DYRK1A: variants seen among roughly 807,000 people sequenced by gnomAD.
The protein encoded by DYRK1A is dual specificity tyrosine-phosphorylation-regulated kinase 1A.
DYRK1A carries 9 observed loss-of-function variants against 79.7 expected under a neutral mutation model. The observed-to-expected ratio is 0.11, with a 90% CI of 0.07 to 0.20. DYRK1A has a LOEUF of 0.20. Ranked by LOEUF, DYRK1A falls within the 10% of genes least tolerant of loss-of-function variation. The probability of loss-of-function intolerance (pLI) is 1.00; values close to 1 mark genes in which losing one functional copy is unlikely to be tolerated. For synonymous variants in DYRK1A, 349 were observed against 329.7 expected, an observed-to-expected ratio of 1.06 and a Z score of -0.63; for missense variants, 622 against 956.0, an observed-to-expected ratio of 0.65 and a Z score of 4.61.
intron 1 of DYRK1A, among the ~76,000 whole-genome samples, chr21:37,401,053 A>G (rs2050043340): frequency 6.6e-6 from 1 of 152,100 alleles, no homozygotes; most frequent in East Asian, 1.9e-4. Flanking sequence ...CTGAGGCGGG[A>G]GAATTGCTTG....
At chr21:37,405,748 G>A (rs752141698) in intron 1 of DYRK1A, among the ~76,000 whole-genome samples, 1 of 152,108 alleles carries the variant, frequency 6.6e-6, no homozygotes, top group Non-Finnish European at 1.5e-5. Context: ...GGTGTATGGT[G>A]TGTGCGTAGT....
At chr21:37,403,460 C>T (rs1337295098) in intron 1 of DYRK1A, among the ~76,000 whole-genome samples, 1 of 151,704 alleles carries the variant, frequency 6.6e-6, no homozygotes, top group East Asian at 1.9e-4. Flanking sequence ...TATTAAAAAA[C>T]AACAACAGAG....
intron 2 of DYRK1A, among the ~76,000 whole-genome samples, chr21:37,429,879 G>A (rs901554957): frequency 5.0e-4 from 76 of 152,172 alleles, no homozygotes; most frequent in African/African-American, 1.7e-3. Context: ...ACTATTTTCC[G>A]TTTTAAAATT....
At chr21:37,366,561 C>G (rs1475845643), upstream of DYRK1A, among the ~76,000 whole-genome samples, 2 of 151,356 alleles carry the variant, frequency 1.3e-5, no homozygotes, top group African/African-American at 2.4e-5. Context: ...TCCTCTGACA[C>G]TCGTAGCGGA....
At chr21:37,400,777 A>C (rs938823838) in intron 1 of DYRK1A, among the ~76,000 whole-genome samples, 1 of 152,184 alleles carries the variant, frequency 6.6e-6, no homozygotes, top group African/African-American at 2.4e-5. Context: ...TGACTGAGAA[A>C]GTGCAGATTG....
intron 2 of DYRK1A, chr21:37,430,432 TATG>T: frequency 1.0e-6 from 1 of 983,648 alleles, no homozygotes; most frequent in Non-Finnish European, 1.2e-6. Context: ...GATTTAATTC[TATG>T]ATATGTGTTC....
chr21:37,526,134 T>C lies in DYRK1A; in HGVS notation c.*13603T>C, dbSNP rs2053966339. Reference sequence around the variant, plus strand: ...AGAAGAGCTCCATTCCCACACACATTTGCCACAGATACATTATCTGAGCCC... The same window carrying C: ...AGAAGAGCTCCATTCCCACACACATCTGCCACAGATACATTATCTGAGCCC... On this transcript the variant is annotated 3_prime_UTR_variant, in exon 12 of 12. Transcript: ENST00000647188. 6.6e-6 allele frequency: 1 copy of C among 152,196 alleles called. No individual in the cohort carries two copies. Among genetic ancestry groups the C allele is most frequent in the Non-Finnish European group, 1.5e-5 (1 of 68,042 alleles). The allele number at this position is 152,196 out of a possible 1,614,324, so 9.4% of individuals were successfully genotyped here.
At chr21:37,448,879 G>T (rs1478006493) in intron 2 of DYRK1A, among the ~76,000 whole-genome samples, 4 of 152,066 alleles carry the variant, frequency 2.6e-5, no homozygotes, top group Non-Finnish European at 4.4e-5. Flanking sequence ...AAATTTTTTT[G>T]TGGAGATGAG....
intron 2 of DYRK1A, among the ~76,000 whole-genome samples, chr21:37,439,379 TTC>T (rs1343257242): frequency 6.6e-6 from 1 of 152,246 alleles, no homozygotes; most frequent in Non-Finnish European, 1.5e-5. Flanking sequence ...AAAGAGGACA[TTC>T]TGTTTTGTTC....
intron 9 of DYRK1A, among the ~76,000 whole-genome samples, chr21:37,500,743 G>GT (rs2053417275): frequency 6.6e-6 from 1 of 151,662 alleles, no homozygotes; most frequent in Non-Finnish European, 1.5e-5. Flanking sequence ...ATTTGTTGGC[G>GT]TAAACTTATC....
At chr21:37,506,367 C>T (rs760298576) in intron 11 of DYRK1A, 144 bp downstream of exon 11, 92 of 1,547,742 alleles carry the variant, frequency 5.9e-5, no homozygotes, top group Middle Eastern at 3.9e-4. Flanking sequence ...AAGTATTTAT[C>T]ATAGAGAAGC....
chr21:37,429,715 T>G (rs1036337312), intron 2 of DYRK1A, among the ~76,000 whole-genome samples: 7 of 152,262 alleles, frequency 4.6e-5, no homozygotes, highest in Non-Finnish European at 1.5e-5. Flanking sequence ...ATCACCATGC[T>G]TAGCCGATAT....
chr21:37,519,368 A>T lies in DYRK1A; in HGVS notation c.*6837A>T, dbSNP rs922707374. 6.6e-6 allele frequency: 1 copy of T among 152,212 alleles called. No homozygotes were observed. Among genetic ancestry groups the T allele is most frequent in the East Asian group, 1.9e-4 (1 of 5,198 alleles). The allele number at this position is 152,212 out of a possible 1,614,324, so 9.4% of individuals were successfully genotyped here. ...GGTACGCTGCTCAACTTGCGCAAGG[A>T]TTACTGTCCGCTTTGTACAATGGAG... is the stretch of plus-strand genomic sequence containing the variant. On this transcript the variant is annotated 3_prime_UTR_variant, in exon 12 of 12. Transcript: ENST00000647188.
At chr21:37,437,965 C>T (rs752689647) in intron 2 of DYRK1A, among the ~76,000 whole-genome samples, 1 of 152,090 alleles carries the variant, frequency 6.6e-6, no homozygotes, top group Non-Finnish European at 1.5e-5. Context: ...ACATTTTCAC[C>T]AGCAGTTCAG....
At chr21:37,455,487 T>C (rs1333115508) in intron 2 of DYRK1A, among the ~76,000 whole-genome samples, 2 of 152,204 alleles carry the variant, frequency 1.3e-5, no homozygotes, top group Admixed American at 1.3e-4. Flanking sequence ...ACTTTTTAAG[T>C]CACCTCTTTT....
In DYRK1A at chr21:37,516,013, G is replaced by A. The variant is rs1396556216; in HGVS notation, c.*3482G>A. 2.0e-5 allele frequency: 3 copies of A among 152,298 alleles called. No homozygotes were observed. The highest frequency in any genetic ancestry group is 1.3e-4 in the Admixed American group (2 of 15,294). 9.4% of individuals were successfully genotyped at this position (152,298 alleles called of 1,614,324 possible). ...ACATAATCAAAATACACACGAAGAC[G>A]AGATAGCAGGCACTCAGTTCTAGGC... On this transcript the variant is annotated 3_prime_UTR_variant, in exon 12 of 12. Transcript: ENST00000647188.
At chr21:37,372,769 T>C (rs1466650235) in intron 1 of DYRK1A, among the ~76,000 whole-genome samples, 1 of 152,190 alleles carries the variant, frequency 6.6e-6, no homozygotes, top group African/African-American at 2.4e-5. Flanking sequence ...TCTCTCCTCA[T>C]CTTCATTCAT....
chr21:37,451,145 T>C (rs576632855), intron 2 of DYRK1A, among the ~76,000 whole-genome samples: 2 of 152,304 alleles, frequency 1.3e-5, no homozygotes, highest in East Asian at 3.9e-4. Flanking sequence ...GTGCAGTGTT[T>C]TAAGCTGTTA....
rs1006585071 is a variant in DYRK1A, at chr21:37,514,439, C to T, written c.*1908C>T. 7 of 152,620 alleles carry T rather than the reference C, an allele frequency of 4.6e-5. No individual in the cohort carries two copies. Among genetic ancestry groups the T allele is most frequent in the African/African-American group, 1.4e-4 (6 of 41,438 alleles). The allele number at this position is 152,620 out of a possible 1,614,324, so 9.5% of individuals were successfully genotyped here. ...AGCCTAGAAAAGAAGCAGTAATCTA[C>T]CTCTGCCGATAACCTGTTTAAGATG... On this transcript the variant is annotated 3_prime_UTR_variant, in exon 12 of 12. Transcript: ENST00000647188.
Sources: gnomAD v4.1 joint callset for allele counts (sites outside exome capture counted in the v4.1 genomes callset) on GRCh38, gnomAD v4.1.1 for gene constraint, MANE v1.5 for transcripts, NCBI Gene and HGNC (gene_info 2026-07-23, HGNC 2026-07-21) for gene names.